ZBTB7C: variants seen among roughly 807,000 people sequenced by gnomAD.
ZBTB7C encodes the protein zinc finger and BTB domain-containing protein 7C.
A neutral mutation model predicts 25.7 loss-of-function variants in ZBTB7C; 8 were observed. The observed-to-expected ratio is 0.31, with a 90% CI of 0.18 to 0.56. The LOEUF (loss-of-function observed/expected upper bound fraction) is 0.56, where lower values mean the gene tolerates loss of function less well. Ranked by LOEUF, ZBTB7C falls within the 20% of genes least tolerant of loss-of-function variation. The probability of loss-of-function intolerance (pLI) is 0.91; values close to 1 mark genes in which losing one functional copy is unlikely to be tolerated. For missense variants in ZBTB7C, 824 were observed against 855.2 expected (o/e 0.96, Z 0.46); for synonymous variants, 394 against 369.0 (o/e 1.07, Z -0.78).
rs549143734 is a variant in ZBTB7C at position 48,073,429 on chromosome 18, G to A, written c.-16-32306C>T. On this transcript the variant is annotated intron_variant, in intron 3 of 4. Transcript: ENST00000590800. Reference sequence around the variant, plus strand: ...CACCCTGGCGGGGAGGGCGGGAGGTGGTGGGCAGGGGTGGCCGTCTTTATT... The same window carrying A: ...CACCCTGGCGGGGAGGGCGGGAGGTAGTGGGCAGGGGTGGCCGTCTTTATT... Among the ~76,000 whole-genome samples, 76 of 152,234 alleles carry A rather than the reference G, an allele frequency of 5.0e-4. 1 individual carries two copies. In the South Asian group the frequency reaches 0.01, roughly 21 times the overall value.
At chr18:48,337,057 T>G (rs1390008362) in intron 2 of ZBTB7C, among the ~76,000 whole-genome samples, 2 of 152,242 alleles carry the variant, frequency 1.3e-5, no homozygotes, top group African/African-American at 4.8e-5. Context: ...TTCCTAGAGC[T>G]GGGCTCAGCT....
chr18:48,066,007 T>C lies in ZBTB7C; in HGVS notation c.-16-24884A>G, dbSNP rs750549659. ...TTCTGGATCCAGCCCTAGTAGGCAA[T>C]GCATGGAAGCTTCTTGTGTGAGGAA... On this transcript the variant is annotated intron_variant, in intron 3 of 4. Transcript: ENST00000590800. Among the ~76,000 whole-genome samples the C allele has an allele frequency of 9.8e-5, 15 of 152,290 alleles. No individual in the cohort carries two copies. The South Asian group carries it at 2.1e-3, about 21-fold the overall frequency.
intron 1 of ZBTB7C, among the ~76,000 whole-genome samples, chr18:48,362,214 T>C (rs2047122549): frequency 6.6e-6 from 1 of 152,226 alleles, no homozygotes; most frequent in Admixed American, 6.5e-5. Flanking sequence ...AAGGCCTTCC[T>C]GCAGCTGGGC....
At chr18:48,330,697 G>A (rs1477203086) in intron 2 of ZBTB7C, among the ~76,000 whole-genome samples, 1 of 151,914 alleles carries the variant, frequency 6.6e-6, no homozygotes, top group Non-Finnish European at 1.5e-5. Flanking sequence ...CTGAGTGAGT[G>A]TGGGCAGGAT....
rs140599351 is a variant in ZBTB7C, at chr18:48,195,449, C to T, written c.-78-9454G>A. Among the ~76,000 whole-genome samples the T allele has an allele frequency of 6.3e-3, 959 of 152,310 alleles. 13 individuals carry two copies. Among genetic ancestry groups the T allele is most frequent in the African/African-American group, 0.022 (910 of 41,560 alleles). On this transcript the variant is annotated intron_variant, in intron 2 of 4. Coordinates refer to ENST00000590800, the MANE Select transcript of ZBTB7C (RefSeq NM_001318841.2). ...AAAGGGGAGTTCCCCTGCACATGTT[C>T]TCTTGCCTGCCGCCATGTAAGACAT...
intron 3 of ZBTB7C, among the ~76,000 whole-genome samples, chr18:48,082,257 T>C (rs1568203555): frequency 6.6e-6 from 1 of 152,210 alleles, no homozygotes; most frequent in Non-Finnish European, 1.5e-5. Flanking sequence ...GGCAACAGAA[T>C]GTAAGAACAT....
chr18:48,059,342 T>A (rs370585785), intron 3 of ZBTB7C, among the ~76,000 whole-genome samples: 1 of 152,050 alleles, frequency 6.6e-6, no homozygotes, highest in East Asian at 1.9e-4. Context: ...AGCTTCCTAT[T>A]TGCAAACAGA....
chr18:48,397,035 T>C (rs2048043532), intron 1 of ZBTB7C, among the ~76,000 whole-genome samples: 1 of 152,224 alleles, frequency 6.6e-6, no homozygotes, highest in Non-Finnish European at 1.5e-5. Context: ...TAAGAAGAGA[T>C]ATTGGTCAAT....
intron 2 of ZBTB7C, among the ~76,000 whole-genome samples, chr18:48,213,839 C>A (rs2042759464): frequency 6.6e-6 from 1 of 152,166 alleles, no homozygotes; most frequent in Non-Finnish European, 1.5e-5. Context: ...AGCAAAGGAG[C>A]CCCTCTCTGG....
In ZBTB7C at chr18:48,127,208, A is replaced by G. The variant is rs149392933; in HGVS notation, c.-17+58726T>C. Among the ~76,000 whole-genome samples the G allele has an allele frequency of 6.8e-4, 103 of 152,294 alleles. 1 individual carries two copies. In the Middle Eastern group the frequency reaches 0.017, roughly 25 times the overall value. ...CACGGAGCCTGCAGATGACAGAGGT[A>G]AGACTTGAACCAGGCCCTGATTCCA... On this transcript the variant is annotated intron_variant, in intron 3 of 4. Transcript: ENST00000590800.
chr18:48,054,853 C>G (rs962105343), intron 3 of ZBTB7C, among the ~76,000 whole-genome samples: 39 of 152,158 alleles, frequency 2.6e-4, no homozygotes, highest in African/African-American at 4.8e-5. Context: ...TTGCCCACTG[C>G]AGAAGCTGAT....
chr18:48,089,106 T>G (rs2038307846), intron 3 of ZBTB7C, among the ~76,000 whole-genome samples: 1 of 152,168 alleles, frequency 6.6e-6, no homozygotes, highest in Non-Finnish European at 1.5e-5. Context: ...AACTAATTAT[T>G]CCAATTAATT....
At position 48,029,397 on chromosome 18, in the gene ZBTB7C, C is replaced by CCAGG. The variant is rs759089453; in HGVS notation, c.1719_1722dup (p.Ala575ProfsTer79). On this transcript the variant is annotated frameshift_variant, in exon 5 of 5. Coordinates refer to ENST00000590800, the MANE Select transcript of ZBTB7C (RefSeq NM_001318841.2). LOFTEE classifies it high-confidence loss of function. ...GCCACGTTCTCGGCCAGCGCGAAGG[C>CCAGG]CAGGAGGCCCCCCGCGTTCCTCTCA... is the stretch of plus-strand genomic sequence containing the variant. 2.6e-6 allele frequency: 4 copies of CCAGG among 1,567,696 alleles called. No individual in the cohort carries two copies. The highest frequency in any genetic ancestry group is 3.4e-6 in the Non-Finnish European group (4 of 1,160,814).
At chr18:48,270,253 C>CTTTTTTTTTTTTTT (rs760096959) in intron 2 of ZBTB7C, among the ~76,000 whole-genome samples, 6 of 98,752 alleles carry the variant, frequency 6.1e-5, no homozygotes, top group Admixed American at 2.2e-4. Context: ...TTCTCTCTTT[C>CTTTTTTTTTTTTTT]TTTTTTTTTT....
intron 3 of ZBTB7C, among the ~76,000 whole-genome samples, chr18:48,085,161 G>T (rs2038147390): frequency 6.6e-6 from 1 of 152,126 alleles, no homozygotes; most frequent in South Asian, 2.1e-4. Flanking sequence ...GGGCGGGTGG[G>T]GGTAGGTAAA....
chr18:48,293,683 G>A (rs2045302207), intron 2 of ZBTB7C, among the ~76,000 whole-genome samples: 1 of 151,666 alleles, frequency 6.6e-6, no homozygotes, highest in Middle Eastern at 3.4e-3. Context: ...AAAAATGGGG[G>A]TAAGAGAATC....
intron 1 of ZBTB7C, among the ~76,000 whole-genome samples, chr18:48,355,427 C>T (rs939983550): frequency 3.9e-5 from 6 of 152,210 alleles, no homozygotes; most frequent in Non-Finnish European, 5.9e-5. Context: ...CAGTTCGCCA[C>T]GGAATAAAGT....
In ZBTB7C at chr18:48,029,404, G is replaced by A; in HGVS notation, c.1716C>T (p.Gly572=). ...AQLEAERNAG[G]LLAFALAENV... is the part of the protein sequence containing the mutation. ...TCTCGGCCAGCGCGAAGGCCAGGAGGCCCCCCGCGTTCCTCTCAGCCTCCA... is the reference window on the plus strand; with the variant it reads ...TCTCGGCCAGCGCGAAGGCCAGGAGACCCCCCGCGTTCCTCTCAGCCTCCA... The change falls in exon 5 of 5, where the codon GGC becomes GGT. Residue 572 remains glycine, a synonymous_variant. Coordinates refer to ENST00000590800, the MANE Select transcript of ZBTB7C (RefSeq NM_001318841.2). 2 of 1,570,660 alleles carry A rather than the reference G, an allele frequency of 1.3e-6. No homozygotes were observed. Among genetic ancestry groups the A allele is most frequent in the Non-Finnish European group, 1.7e-6 (2 of 1,162,208 alleles).
At chr18:48,105,481 G>C (rs1276495029) in intron 3 of ZBTB7C, among the ~76,000 whole-genome samples, 1 of 152,144 alleles carries the variant, frequency 6.6e-6, no homozygotes, top group East Asian at 1.9e-4. Context: ...CCATGGCCCT[G>C]ACATGATTAA....
Sources: gnomAD v4.1 joint callset for allele counts (sites outside exome capture counted in the v4.1 genomes callset) on GRCh38, gnomAD v4.1.1 for gene constraint, MANE v1.5 for transcripts, NCBI Gene and HGNC (gene_info 2026-07-23, HGNC 2026-07-21) for gene names.